LRRTM4: variants seen among roughly 807,000 people sequenced by gnomAD.
LRRTM4 encodes leucine-rich repeat transmembrane neuronal protein 4.
LRRTM4 carries 25 observed loss-of-function variants against 47.6 expected under a neutral mutation model. The ratio of observed to expected loss-of-function variants is 0.53; its 90% CI spans 0.38 to 0.73. LRRTM4 has a LOEUF of 0.73. LRRTM4 is among the 30% of genes least tolerant of loss of function. The pLI, the probability that LRRTM4 is intolerant of heterozygous loss-of-function variation, is 0.00. For synonymous variants in LRRTM4, 311 were observed against 269.5 expected (o/e 1.15, Z -1.51); for missense variants, 638 against 713.4 (o/e 0.89, Z 1.20).
intron 3 of LRRTM4, among the ~76,000 whole-genome samples, chr2:77,461,454 A>G (rs1676786161): frequency 6.6e-6 from 1 of 152,136 alleles, no homozygotes; most frequent in South Asian, 2.1e-4. Flanking sequence ...CATGGAAGAG[A>G]TTAAAAACTT....
Position 77,033,886 on chromosome 2 carries a change from G to A in LRRTM4, c.1552-284970C>T, listed in dbSNP as rs566183545. Among the ~76,000 whole-genome samples, 175 of 151,910 alleles carry A rather than the reference G, an allele frequency of 1.2e-3. 2 individuals are homozygous for A. Among genetic ancestry groups the A allele is most frequent in the Non-Finnish European group, 2.8e-4 (19 of 67,850 alleles). On this transcript the variant is annotated intron_variant, in intron 3 of 3. Transcript: ENST00000409884. ...TTAAATAAAGACTTACACTGCAGAT[G>A]TTCAGATCATAATAGTTTTATATGT...
chr2:77,379,741 T>C (rs290034), intron 3 of LRRTM4, among the ~76,000 whole-genome samples: 57,482 of 151,874 alleles, frequency 0.38, 11,457 homozygotes, highest in East Asian at 0.65. Flanking sequence ...CTTTCTTCAA[T>C]GGTAGTTCAT....
chr2:77,418,894 C>T (rs1674753746), intron 3 of LRRTM4, among the ~76,000 whole-genome samples: 1 of 152,174 alleles, frequency 6.6e-6, no homozygotes. Flanking sequence ...CATTTACAGG[C>T]TTCCACTATA....
chr2:77,076,860 T>A (rs1680352956), intron 3 of LRRTM4, among the ~76,000 whole-genome samples: 1 of 152,178 alleles, frequency 6.6e-6, no homozygotes, highest in Non-Finnish European at 1.5e-5. Flanking sequence ...TTACTAGAGC[T>A]ATGCCAGATT....
intron 3 of LRRTM4, among the ~76,000 whole-genome samples, chr2:77,387,256 A>T (rs1282696001): frequency 2.0e-5 from 3 of 152,176 alleles, no homozygotes; most frequent in African/African-American, 7.2e-5. Context: ...TGTTTTGCTC[A>T]GGAAAGGGGA....
chr2:77,199,342 C>T (rs1360667618), intron 3 of LRRTM4, among the ~76,000 whole-genome samples: 1 of 152,050 alleles, frequency 6.6e-6, no homozygotes, highest in Non-Finnish European at 1.5e-5. Context: ...TCAAGAATTG[C>T]CCCAAATCAA....
chr2:77,258,758 TAA>T (rs796674248), intron 3 of LRRTM4, among the ~76,000 whole-genome samples: 51 of 150,016 alleles, frequency 3.4e-4, no homozygotes, highest in Admixed American at 8.7e-4. Context: ...TTCTTATTTT[TAA>T]AAAAAAAATA....
intron 3 of LRRTM4, among the ~76,000 whole-genome samples, chr2:77,041,823 G>A (rs1327421471): frequency 6.7e-6 from 1 of 149,700 alleles, no homozygotes; most frequent in Non-Finnish European, 1.5e-5. Flanking sequence ...GCTTTTGAAA[G>A]TAATGGCAAA....
chr2:76,766,348 C>T (rs1211049167), intron 3 of LRRTM4, among the ~76,000 whole-genome samples: 1 of 152,078 alleles, frequency 6.6e-6, no homozygotes, highest in African/African-American at 2.4e-5. Context: ...AACTGGGGAC[C>T]ACGGCATTAA....
intron 3 of LRRTM4, among the ~76,000 whole-genome samples, chr2:76,813,185 G>C (rs754790910): frequency 4.6e-5 from 7 of 151,946 alleles, no homozygotes; most frequent in Non-Finnish European, 8.8e-5. Context: ...AAATTCCTCA[G>C]CTCCACTAAA....
intron 3 of LRRTM4, among the ~76,000 whole-genome samples, chr2:76,958,847 T>A (rs964759431): frequency 1.3e-5 from 2 of 151,624 alleles, no homozygotes; most frequent in African/African-American, 4.8e-5. Context: ...ATATGCCCCC[T>A]TGCCATTCAC....
intron 3 of LRRTM4, among the ~76,000 whole-genome samples, chr2:76,898,978 T>C (rs1237222100): frequency 6.6e-6 from 1 of 152,040 alleles, no homozygotes; most frequent in Non-Finnish European, 1.5e-5. Context: ...ACAAGGATGT[T>C]CTCTTTGATT....
chr2:76,909,680 C>T (rs563748743), intron 3 of LRRTM4, among the ~76,000 whole-genome samples: 19 of 152,010 alleles, frequency 1.2e-4, no homozygotes, highest in East Asian at 9.7e-4. Context: ...AAAAAGTGGG[C>T]GAAGGACATG....
At position 77,515,269 on chromosome 2, in the gene LRRTM4, G is replaced by A. The variant is rs185433938; in HGVS notation, c.1551+3049C>T. ...TATTATCCCTCATTTTATCAGAATG[G>A]TATGTGCACACAGACTTTTCAGAAT... On this transcript the variant is annotated intron_variant, in intron 3 of 3. Transcript: ENST00000409884. Among the ~76,000 whole-genome samples the A allele has an allele frequency of 2.7e-3, 409 of 151,736 alleles. 2 individuals carry two copies. The highest frequency in any genetic ancestry group is 3.9e-3 in the Non-Finnish European group (264 of 67,810).
At chr2:77,067,686 T>TACACACACACACACACAC (rs3058033) in intron 3 of LRRTM4, among the ~76,000 whole-genome samples, 42 of 140,806 alleles carry the variant, frequency 3.0e-4, no homozygotes, top group South Asian at 1.2e-3. Flanking sequence ...CAAAGATACG[T>TACACACACACACACACAC]ACACACACAC....
At chr2:76,989,723 C>G (rs1573411817) in intron 3 of LRRTM4, 1 of 151,766 alleles carries the variant, frequency 6.6e-6, no homozygotes, top group East Asian at 1.9e-4. Context: ...CATATTAAAG[C>G]TTATTATTAC....
intron 3 of LRRTM4, among the ~76,000 whole-genome samples, chr2:77,272,005 T>C (rs2104072614): frequency 6.6e-6 from 1 of 151,886 alleles, no homozygotes; most frequent in Non-Finnish European, 1.5e-5. Context: ...AAATGTCCTA[T>C]CCCTTTCCTA....
At chr2:77,340,697 A>T (rs971846394) in intron 3 of LRRTM4, among the ~76,000 whole-genome samples, 3 of 151,872 alleles carry the variant, frequency 2.0e-5, no homozygotes, top group Non-Finnish European at 2.9e-5. Flanking sequence ...TATTCTCTTG[A>T]TTTATCATTT....
At chr2:77,287,489 C>T (rs1267469959) in intron 3 of LRRTM4, among the ~76,000 whole-genome samples, 1 of 151,474 alleles carries the variant, frequency 6.6e-6, no homozygotes, top group Non-Finnish European at 1.5e-5. Flanking sequence ...TGTTTTTTTC[C>T]CCCAAGGTTT....
Sources: gnomAD v4.1 joint callset for allele counts (sites outside exome capture counted in the v4.1 genomes callset) on GRCh38, gnomAD v4.1.1 for gene constraint, MANE v1.5 for transcripts, NCBI Gene and HGNC (gene_info 2026-07-23, HGNC 2026-07-21) for gene names.